UBE2E3: variants seen among roughly 807,000 people sequenced by gnomAD.
UBE2E3 encodes the protein ubiquitin conjugating enzyme E2 E3, also known as ubiquitin-conjugating enzyme E2 E3.
In UBE2E3, 5 loss-of-function variants were observed where a neutral mutation model predicts 23.6. The ratio of observed to expected loss-of-function variants is 0.21; its 90% CI spans 0.11 to 0.44. The LOEUF is 0.44. Among genes scored for constraint, UBE2E3 ranks in the 20% least tolerant of loss-of-function variants. The pLI is 0.99. For synonymous variants in UBE2E3, 78 were observed against 87.5 expected (o/e 0.89, Z 0.60); for missense variants, 81 against 249.8 (o/e 0.32, Z 4.55).
chr2:180,992,736 A>G (rs1433594319), intron 3 of UBE2E3, among the ~76,000 whole-genome samples: 2 of 151,770 alleles, frequency 1.3e-5, no homozygotes, highest in African/African-American at 4.8e-5. Flanking sequence ...ATGTCAGCTC[A>G]CCGCAACCTC....
intron 5 of UBE2E3, among the ~76,000 whole-genome samples, chr2:181,061,683 C>T (rs1050341360): frequency 6.6e-6 from 1 of 151,360 alleles, no homozygotes; most frequent in Non-Finnish European, 1.5e-5. Flanking sequence ...TAAAAAATGC[C>T]TGCCACATGT....
At chr2:181,057,875 A>T in intron 4 of UBE2E3, 50 bp downstream of exon 4, 1 of 1,583,622 alleles carries the variant, frequency 6.3e-7, no homozygotes, top group Non-Finnish European at 8.6e-7. Flanking sequence ...CTCCTCTAAA[A>T]TCGGTTATTC....
At chr2:181,055,787 A>G (rs1011045290) in intron 3 of UBE2E3, among the ~76,000 whole-genome samples, 4 of 151,794 alleles carry the variant, frequency 2.6e-5, no homozygotes, top group Non-Finnish European at 4.4e-5. Context: ...TGGGAATCCA[A>G]GCTCTTCTAT....
At chr2:180,998,423 A>C (rs1298197320) in intron 3 of UBE2E3, among the ~76,000 whole-genome samples, 1 of 151,154 alleles carries the variant, frequency 6.6e-6, no homozygotes, top group Admixed American at 6.6e-5. Context: ...TGTTTCTGGT[A>C]CTGAGGCTAA....
chr2:181,038,280 A>G (rs1227349548), intron 3 of UBE2E3, among the ~76,000 whole-genome samples: 1 of 152,222 alleles, frequency 6.6e-6, no homozygotes, highest in Non-Finnish European at 1.5e-5. Flanking sequence ...ATATAATAAC[A>G]TACTGTGTGA....
At chr2:180,992,566 G>A (rs985729661) in intron 3 of UBE2E3, among the ~76,000 whole-genome samples, 2 of 152,178 alleles carry the variant, frequency 1.3e-5, no homozygotes, top group African/African-American at 4.8e-5. Flanking sequence ...TGTGTATCTT[G>A]TAGCTCTGAC....
At chr2:181,016,893 A>G (rs1685507791) in intron 3 of UBE2E3, among the ~76,000 whole-genome samples, 1 of 152,236 alleles carries the variant, frequency 6.6e-6, no homozygotes, top group East Asian at 1.9e-4. Flanking sequence ...TATGAAAGAT[A>G]GGAAGGACCA....
At chr2:181,002,492 T>C (rs925082101) in intron 3 of UBE2E3, among the ~76,000 whole-genome samples, 1 of 152,202 alleles carries the variant, frequency 6.6e-6, no homozygotes, top group Non-Finnish European at 1.5e-5. Flanking sequence ...TTCATAGATT[T>C]GATTGCCATG....
intron 3 of UBE2E3, among the ~76,000 whole-genome samples, chr2:181,028,269 G>A (rs573903357): frequency 8.6e-5 from 13 of 152,002 alleles, no homozygotes; most frequent in East Asian, 5.8e-4. Flanking sequence ...TGCTGTATAC[G>A]ATTTTATTAC....
chr2:181,042,063 A>G (rs1686527300), intron 3 of UBE2E3, among the ~76,000 whole-genome samples: 1 of 152,250 alleles, frequency 6.6e-6, no homozygotes, highest in Non-Finnish European at 1.5e-5. Context: ...AATATTAACT[A>G]AACTCCTGGC....
intron 3 of UBE2E3, among the ~76,000 whole-genome samples, chr2:181,022,549 C>T (rs1178838100): frequency 1.3e-5 from 2 of 151,890 alleles, no homozygotes; most frequent in African/African-American, 4.8e-5. Context: ...GCACTATAAC[C>T]ATGCCTGAAG....
chr2:181,002,427 T>C (rs745511603), intron 3 of UBE2E3, among the ~76,000 whole-genome samples: 2 of 152,178 alleles, frequency 1.3e-5, no homozygotes, highest in Non-Finnish European at 2.9e-5. Context: ...CAATTCACAA[T>C]ACTTTTTTTG....
chr2:181,008,572 C>T (rs943395238), intron 3 of UBE2E3, among the ~76,000 whole-genome samples: 1 of 152,158 alleles, frequency 6.6e-6, no homozygotes, highest in Non-Finnish European at 1.5e-5. Flanking sequence ...GGAATGTTTC[C>T]CTGTTCCAAG....
chr2:181,020,952 TC>T (rs745474282), intron 3 of UBE2E3, among the ~76,000 whole-genome samples: 9 of 152,304 alleles, frequency 5.9e-5, no homozygotes, highest in African/African-American at 9.6e-5. Context: ...TTTTTATCCT[TC>T]CTGTTTTGTA....
intron 3 of UBE2E3, among the ~76,000 whole-genome samples, chr2:181,030,667 C>A (rs1686047668): frequency 6.6e-6 from 1 of 151,964 alleles, no homozygotes; most frequent in Non-Finnish European, 1.5e-5. Context: ...ATAGAAGTCT[C>A]CTGTAAAACT....
chr2:181,057,844 A>G lies in UBE2E3; in HGVS notation c.378+19A>G. 6.2e-7 allele frequency: 1 copy of G among 1,607,872 alleles called. No homozygotes were observed. The highest frequency in any genetic ancestry group is 1.7e-5 in the Admixed American group (1 of 59,584). On this transcript the variant is annotated intron_variant, in intron 4 of 5. Transcript: ENST00000410062. ...ACCAAAGGTAAGAAGCTTGAAGTGC[A>G]TTCTTTAGTATTTAATCCTTCTCCT...
intron 3 of UBE2E3, among the ~76,000 whole-genome samples, chr2:181,050,626 T>C (rs1271894570): frequency 6.6e-6 from 1 of 151,892 alleles, no homozygotes; most frequent in African/African-American, 2.4e-5. Context: ...ATTAAAAATA[T>C]TTGTATGGAT....
intron 3 of UBE2E3, among the ~76,000 whole-genome samples, chr2:181,050,267 T>C (rs560533931): frequency 1.3e-5 from 2 of 152,108 alleles, no homozygotes; most frequent in African/African-American, 2.4e-5. Flanking sequence ...ATATTTGTTT[T>C]GAAGGTGATA....
intron 3 of UBE2E3, among the ~76,000 whole-genome samples, chr2:181,001,570 C>A (rs1684992420): frequency 6.6e-6 from 1 of 151,682 alleles, no homozygotes. Context: ...AAGGAATAGG[C>A]AGAAAAGTGA....
Sources: allele counts gnomAD v4.1 joint callset (sites outside exome capture counted in the v4.1 genomes callset), GRCh38; gene constraint gnomAD v4.1.1; transcripts MANE v1.5; gene names NCBI Gene and HGNC (gene_info 2026-07-23, HGNC 2026-07-21).